MACROD1: variants seen among roughly 807,000 people sequenced by gnomAD.
The protein encoded by MACROD1 is ADP-ribose glycohydrolase MACROD1.
MACROD1 carries 31 observed loss-of-function variants against 41.4 expected under a neutral mutation model. The ratio of observed to expected loss-of-function variants is 0.75; its 90% CI spans 0.56 to 1.01. The LOEUF is 1.01. MACROD1 is among the 50% of genes least tolerant of loss of function. The pLI is 0.00. For synonymous variants in MACROD1, 252 were observed against 203.4 expected (o/e 1.24, Z -2.03); for missense variants, 473 against 460.0 (o/e 1.03, Z -0.26).
chr11:64,119,997 C>G (rs1437017055), intron 3 of MACROD1, among the ~76,000 whole-genome samples: 2 of 152,170 alleles, frequency 1.3e-5, no homozygotes, highest in East Asian at 3.9e-4. Flanking sequence ...AGAGGAGATG[C>G]TGGTCCGAGG....
At chr11:64,065,241 G>A (rs1943975425) in intron 3 of MACROD1, among the ~76,000 whole-genome samples, 2 of 152,214 alleles carry the variant, frequency 1.3e-5, no homozygotes, top group Admixed American at 1.3e-4. Flanking sequence ...GTAGAGTGTT[G>A]AGCGATCGGA....
At position 64,067,196 on chromosome 11, in the gene MACROD1, A is replaced by C. The variant is rs2134452681; in HGVS notation, c.518-51915T>G. Among the ~76,000 whole-genome samples the C allele has an allele frequency of 6.6e-6, 1 of 152,242 alleles. No individual in the cohort carries two copies. Among genetic ancestry groups the C allele is most frequent in the African/African-American group, 2.4e-5 (1 of 41,558 alleles). ...CCACCTGTAGGCACATGCGGCTCCA[A>C]GGAGATGGCAGATGGGAGGGGTGGG... On this transcript the variant is annotated intron_variant, in intron 3 of 10. Transcript: ENST00000255681. This position sits in a 1 kb window ranked among gnomAD's most constrained non-coding sequence, Gnocchi z 4.6.
chr11:64,147,619 C>T (rs540182858), intron 3 of MACROD1, among the ~76,000 whole-genome samples: 5 of 151,890 alleles, frequency 3.3e-5, no homozygotes, highest in South Asian at 4.2e-4. Flanking sequence ...GATGGGATTT[C>T]GCCATGTTGG....
intron 1 of MACROD1, among the ~76,000 whole-genome samples, chr11:64,161,150 G>A (rs766984568): frequency 1.1e-4 from 17 of 151,954 alleles, no homozygotes; most frequent in African/African-American, 3.1e-4. Context: ...CAGCCTGGGC[G>A]ACAGAGCAAG....
intron 4 of MACROD1, among the ~76,000 whole-genome samples, chr11:64,004,331 T>C (rs1590790733): frequency 6.6e-6 from 1 of 152,194 alleles, no homozygotes; most frequent in Admixed American, 6.5e-5. Context: ...CAGGCTCCGG[T>C]GGGGCCATCC....
At chr11:64,081,269 A>G (rs995477834) in intron 3 of MACROD1, among the ~76,000 whole-genome samples, 6 of 152,108 alleles carry the variant, frequency 3.9e-5, no homozygotes, top group Non-Finnish European at 8.8e-5. Context: ...TGATCTGCCC[A>G]CCTCGGCCTC....
intron 3 of MACROD1, chr11:64,116,639 C>A (rs142276831): frequency 1.2e-6 from 2 of 1,614,062 alleles, no homozygotes; most frequent in Non-Finnish European, 1.7e-6. Context: ...TCCCCATCAA[C>A]CTGCCCCGCT....
chr11:64,017,837 C>T (rs1590804203), intron 3 of MACROD1, among the ~76,000 whole-genome samples: 1 of 152,322 alleles, frequency 6.6e-6, no homozygotes, highest in South Asian at 2.1e-4. Flanking sequence ...TGAGCTGGCT[C>T]CTGCTCAAAG....
At chr11:64,116,128 C>A in intron 3 of MACROD1, 2 of 1,340,946 alleles carry the variant, frequency 1.5e-6, no homozygotes, top group Non-Finnish European at 2.0e-6. Context: ...CCCCTTGGTA[C>A]AGGCTGGCAG....
In MACROD1 at chr11:64,165,849, C is replaced by T; in HGVS notation, c.146G>A (p.Gly49Asp). The T allele has an allele frequency of 6.8e-7, 1 of 1,469,188 alleles. No individual in the cohort carries two copies. The highest frequency in any genetic ancestry group is 9.0e-7 in the Non-Finnish European group (1 of 1,112,010). 91.0% of individuals were successfully genotyped at this position (1,469,188 alleles called of 1,614,324 possible). ...SSTCGPPAFLGVFGRRARTSA... is the reference protein window; with the variant it reads ...SSTCGPPAFLDVFGRRARTSA... ...GGTCCGCGCACGGCGGCCGAACACG[C>T]CCAGGAACGCCGGGGGACCGCACGT... The change falls in exon 1 of 11, where the codon GGC becomes GAC. Residue 49 changes from glycine to aspartate, a missense_variant. By Grantham distance (94) the Gly-to-Asp change is moderately conservative (BLOSUM62 -1). Transcript: ENST00000255681.
Position 64,159,967 on chromosome 11 carries a change from G to A in MACROD1, c.298+5730C>T, listed in dbSNP as rs1466577227. 8.5e-5 allele frequency among the ~76,000 whole-genome samples: 13 copies of A among 152,170 alleles called. No individual in the cohort carries two copies. The East Asian group carries it at 1.5e-3, about 18-fold the overall frequency. On this transcript the variant is annotated intron_variant, in intron 1 of 10. Transcript: ENST00000255681. ...GGAGAATGGGCCCATGGAAATGAGC[G>A]TCAGCCTGGAGGTAAAGAAAAGGAG...
chr11:64,029,482 C>G (rs2134361903), intron 3 of MACROD1, among the ~76,000 whole-genome samples: 1 of 152,256 alleles, frequency 6.6e-6, no homozygotes, highest in South Asian at 2.1e-4. Flanking sequence ...GGGGCTGCCA[C>G]CCTCTCTTTG....
intron 3 of MACROD1, among the ~76,000 whole-genome samples, chr11:64,138,346 A>G (rs1250953790): frequency 1.3e-5 from 2 of 152,172 alleles, no homozygotes; most frequent in African/African-American, 4.8e-5. Context: ...TGTGACCCTC[A>G]CGGGGAAAGC....
intron 3 of MACROD1, among the ~76,000 whole-genome samples, chr11:64,129,372 C>T (rs536796139): frequency 3.0e-4 from 45 of 152,324 alleles, no homozygotes; most frequent in Admixed American, 2.6e-3. Context: ...TGAGGTGGGA[C>T]GACACAGGTA....
At chr11:64,128,943 A>G (rs1945226778) in intron 3 of MACROD1, among the ~76,000 whole-genome samples, 1 of 152,256 alleles carries the variant, frequency 6.6e-6, no homozygotes, top group South Asian at 2.1e-4. Flanking sequence ...CCATGTGAGT[A>G]CAAGGAGGAT....
chr11:63,999,523 G>C lies in MACROD1; in HGVS notation c.817+7C>G. ...ACTCCTGGTCCTTGCCTTTCTTCCA[G>C]ACTCACCAAACACGCCGGTGGAGAT... On this transcript the variant is annotated splice_region_variant and intron_variant, in intron 7 of 10. Transcript: ENST00000255681. 6.2e-7 allele frequency: 1 copy of C among 1,606,774 alleles called. No homozygotes were observed. Among genetic ancestry groups the C allele is most frequent in the Non-Finnish European group, 8.5e-7 (1 of 1,177,312 alleles).
intron 3 of MACROD1, among the ~76,000 whole-genome samples, chr11:64,086,697 G>A (rs905491054): frequency 2.0e-5 from 3 of 152,190 alleles, no homozygotes; most frequent in East Asian, 1.9e-4. Context: ...AAGACAGAGA[G>A]GGGGAGAAGG....
At position 64,067,039 on chromosome 11, in the gene MACROD1, C is replaced by T. The variant is rs975532668; in HGVS notation, c.518-51758G>A. On this transcript the variant is annotated intron_variant, in intron 3 of 10. Coordinates refer to ENST00000255681, the MANE Select transcript of MACROD1 (RefSeq NM_014067.4). The surrounding 1 kb of genome is among the most constrained non-coding windows in gnomAD (Gnocchi z 4.6). ...CCCTGGGGAGATTGGATGAGGGGCT[C>T]AGGGACCCCCCATGCCCAATGTCCT... 6.6e-6 allele frequency among the ~76,000 whole-genome samples: 1 copy of T among 152,198 alleles called. No homozygotes were observed. Among genetic ancestry groups the T allele is most frequent in the Non-Finnish European group, 1.5e-5 (1 of 68,038 alleles).
intron 3 of MACROD1, among the ~76,000 whole-genome samples, chr11:64,081,277 C>CTCCCAAAGTGCTGG (rs1214549662): frequency 6.6e-6 from 1 of 152,236 alleles, no homozygotes; most frequent in African/African-American, 2.4e-5. Flanking sequence ...CCACCTCGGC[C>CTCCCAAAGTGCTGG]TCCCAAAGTG....
Sources: allele counts gnomAD v4.1 joint callset (sites outside exome capture counted in the v4.1 genomes callset), GRCh38; gene constraint gnomAD v4.1.1; non-coding constraint Gnocchi (gnomAD v3.1); transcripts MANE v1.5; gene names NCBI Gene and HGNC (gene_info 2026-07-23, HGNC 2026-07-21).